The following QSER1 variants were observed in gnomAD, a reference collection of about 807,000 sequenced individuals.
The protein encoded by QSER1 is glutamine and serine rich 1, also known as glutamine and serine-rich protein 1.
Under a neutral mutation model 158.5 loss-of-function variants are expected in QSER1, and 49 were observed. The observed-to-expected ratio is 0.31, with a 90% CI of 0.25 to 0.39. The LOEUF (loss-of-function observed/expected upper bound fraction) is 0.39. Among genes scored for constraint, QSER1 ranks in the 10% least tolerant of loss-of-function variants. The pLI is 1.00. For missense variants in QSER1, 1,754 were observed against 2,010.3 expected, an observed-to-expected ratio of 0.87 and a Z score of 2.44; for synonymous variants, 650 against 715.5, an observed-to-expected ratio of 0.91 and a Z score of 1.46.
At chr11:32,911,894 C>G (rs753466478) in intron 1 of QSER1, among the ~76,000 whole-genome samples, 3 of 152,146 alleles carry the variant, frequency 2.0e-5, no homozygotes, top group Non-Finnish European at 4.4e-5. Flanking sequence ...TCTGTGATAT[C>G]TTAAGTGGAA....
rs776183494 is a variant in QSER1 at position 32,933,802 on chromosome 11, T to C, written c.2544T>C (p.Ser848=). ...CTTTAGGGCATGGCCATCAGGCATCTCTTCCTAATACACAGGTCCTTTTAG... is the reference window on the plus strand; with the variant it reads ...CTTTAGGGCATGGCCATCAGGCATCCCTTCCTAATACACAGGTCCTTTTAG... ...NHALGHGHQA[S]LPNTQVLLDS... The change falls in exon 4 of 13, where the codon TCT becomes TCC. Residue 848 remains serine (S), a synonymous_variant. Transcript: ENST00000650167. The C allele has an allele frequency of 6.2e-7, 1 of 1,613,990 alleles. No homozygotes were observed. The highest frequency in any genetic ancestry group is 1.1e-5 in the South Asian group (1 of 91,056).
In QSER1 at chr11:32,966,491, G is replaced by A; in HGVS notation, c.5107+54G>A. The A allele has an allele frequency of 2.6e-6, 4 of 1,544,314 alleles. No homozygotes were observed. The South Asian group carries it at 3.6e-5, about 14-fold the overall frequency. ...GTAGTACTTCCTGGAATTAAAAAAA[G>A]AAATCTTGTCTGTTAGTTATATGTT... On this transcript the variant is annotated intron_variant, in intron 9 of 12. Transcript: ENST00000650167.
chr11:32,904,567 G>A (rs1489642919), intron 1 of QSER1, among the ~76,000 whole-genome samples: 1 of 150,850 alleles, frequency 6.6e-6, no homozygotes, highest in Admixed American at 6.6e-5. Context: ...AGAGGTAAAT[G>A]AGAGGATGTG....
At chr11:32,916,385 C>T (rs1411429655) in intron 1 of QSER1, among the ~76,000 whole-genome samples, 1 of 152,168 alleles carries the variant, frequency 6.6e-6, no homozygotes, top group Non-Finnish European at 1.5e-5. Context: ...AGTTTCCCCT[C>T]TCCCCAGACC....
Position 32,966,601 on chromosome 11 carries a change from A to G in QSER1, c.5107+164A>G, listed in dbSNP as rs976375975. ...TTCCATAAAATGGTCATATCTTTTCATGCATTCTCTGAATATTTGAACTTT... is the reference window on the plus strand; with the variant it reads ...TTCCATAAAATGGTCATATCTTTTCGTGCATTCTCTGAATATTTGAACTTT... On this transcript the variant is annotated intron_variant, in intron 9 of 12. Coordinates refer to ENST00000650167, the MANE Select transcript of QSER1 (RefSeq NM_001076786.3). Among the ~76,000 whole-genome samples, 3 of 152,326 alleles carry G rather than the reference A, an allele frequency of 2.0e-5. No individual in the cohort carries two copies. In the South Asian group the frequency reaches 6.2e-4, roughly 32 times the overall value.
At chr11:32,917,715 A>G (rs945725678) in intron 1 of QSER1, among the ~76,000 whole-genome samples, 3 of 148,882 alleles carry the variant, frequency 2.0e-5, no homozygotes, top group Non-Finnish European at 3.0e-5. Context: ...AGTCCCAGCT[A>G]CTTGGGAGAG....
intron 8 of QSER1, among the ~76,000 whole-genome samples, chr11:32,964,276 CT>C (rs748068688): frequency 6.6e-6 from 1 of 152,148 alleles, no homozygotes; most frequent in African/African-American, 2.4e-5. Context: ...TGCCCAGCCC[CT>C]AGGACTATTC....
Position 32,954,065 on chromosome 11 carries a change from C to G in QSER1, c.4386C>G (p.Asp1462Glu), listed in dbSNP as rs752218523. Reference sequence around the variant, plus strand: ...CAGACCAGTTTGCAAAAGGACAGGACACTGTTGCCATAGAAGGTTTTACAG... The same window carrying G: ...CAGACCAGTTTGCAAAAGGACAGGAGACTGTTGCCATAGAAGGTTTTACAG... ...LPSDQFAKGQ[D>E]TVAIEGFTDE... The change falls in exon 5 of 13, where the codon GAC becomes GAG. Residue 1462 changes from aspartate to glutamate, a missense_variant. Asp to Glu is a conservative substitution (Grantham distance 45, BLOSUM62 2). Around this residue, in one of 2 missense-constraint regions of QSER1, gnomAD observed 1,707 missense variants for 1,919.6 expected, o/e 0.89. Coordinates refer to ENST00000650167, the MANE Select transcript of QSER1 (RefSeq NM_001076786.3). The G allele has an allele frequency of 8.1e-6, 13 of 1,614,024 alleles. No homozygotes were observed. The highest frequency in any genetic ancestry group is 1.3e-5 in the African/African-American group (1 of 74,914).
Position 32,956,092 on chromosome 11 carries a change from G to A in QSER1, c.4722G>A (p.Lys1574=). ...AATATGTCAGAGTGTGTTCTAAAAA[G>A]CCAAGAAATAAACCTTCACAAACTA... ...KKEYVRVCSK[K]PRNKPSQTIR... is the part of the protein sequence containing the mutation. The change falls in exon 7 of 13, where the codon AAG becomes AAA. Residue 1574 remains lysine, a synonymous_variant. Transcript: ENST00000650167. The A allele has an allele frequency of 6.2e-7, 1 of 1,611,638 alleles. No individual in the cohort carries two copies. Among genetic ancestry groups the A allele is most frequent in the Non-Finnish European group, 8.5e-7 (1 of 1,178,728 alleles).
At chr11:32,950,781 T>C (rs1334899500) in intron 4 of QSER1, among the ~76,000 whole-genome samples, 1 of 152,222 alleles carries the variant, frequency 6.6e-6, no homozygotes, top group Non-Finnish European at 1.5e-5. Flanking sequence ...ATAAGTGACC[T>C]TCTGTAACTG....
At chr11:32,971,798 T>G (rs2133611276) in intron 10 of QSER1, among the ~76,000 whole-genome samples, 1 of 152,276 alleles carries the variant, frequency 6.6e-6, no homozygotes, top group East Asian at 1.9e-4. Context: ...GCGCGGTGGC[T>G]CACGCCTGAA....
rs571017612 is a variant in QSER1 at position 32,892,913 on chromosome 11, G to A, written c.-213G>A. ...CCTCCGCTTCCCTGACGCCCAGCTG[G>A]GGCCTCGCCGCCCGCCGCGGCCCGG... On this transcript the variant is annotated 5_prime_UTR_variant, in exon 1 of 13. Coordinates refer to ENST00000650167, the MANE Select transcript of QSER1 (RefSeq NM_001076786.3). 2.8e-5 allele frequency among the ~76,000 whole-genome samples: 4 copies of A among 140,386 alleles called. No individual in the cohort carries two copies. The highest frequency in any genetic ancestry group is 1.1e-4 in the African/African-American group (4 of 37,916). The allele number at this position is 140,386 out of a possible 152,430, so 92.1% of individuals were successfully genotyped here. A position where few individuals can be genotyped will look rare whatever the true frequency, so the allele number is the denominator to read the frequency against.
intron 8 of QSER1, among the ~76,000 whole-genome samples, chr11:32,958,852 G>A (rs116977162): frequency 1.3e-5 from 2 of 152,234 alleles, no homozygotes; most frequent in South Asian, 4.1e-4. Flanking sequence ...TACCTATAAC[G>A]AAGGTAGGAT....
At chr11:32,947,901 T>A (rs1053710455) in intron 4 of QSER1, among the ~76,000 whole-genome samples, 2 of 152,262 alleles carry the variant, frequency 1.3e-5, no homozygotes, top group African/African-American at 4.8e-5. Context: ...GTCATACTAA[T>A]GTTGTTATTA....
chr11:32,968,327 A>G (rs540480403), intron 9 of QSER1, among the ~76,000 whole-genome samples: 26 of 152,260 alleles, frequency 1.7e-4, no homozygotes, highest in African/African-American at 6.0e-4. Flanking sequence ...AAAATATAAT[A>G]AAGTACTATG....
intron 4 of QSER1, among the ~76,000 whole-genome samples, chr11:32,939,041 T>G (rs1038451882): frequency 1.3e-5 from 2 of 152,200 alleles, no homozygotes; most frequent in Admixed American, 1.3e-4. Flanking sequence ...CAGATTGAAT[T>G]AAAATGTAGT....
At chr11:32,961,256 C>T (rs1395736748) in intron 8 of QSER1, among the ~76,000 whole-genome samples, 1 of 152,006 alleles carries the variant, frequency 6.6e-6, no homozygotes, top group Non-Finnish European at 1.5e-5. Context: ...ATTTCAATTG[C>T]CTTCTCAGAT....
intron 1 of QSER1, among the ~76,000 whole-genome samples, chr11:32,903,491 T>TG (rs1851650293): frequency 6.6e-6 from 1 of 151,258 alleles, no homozygotes; most frequent in South Asian, 2.1e-4. Flanking sequence ...CAAAGTGGAC[T>TG]GGGCAGGCTC....
At chr11:32,970,430 A>G (rs1045571522) in intron 10 of QSER1, among the ~76,000 whole-genome samples, 3 of 152,168 alleles carry the variant, frequency 2.0e-5, no homozygotes, top group Admixed American at 1.3e-4. Flanking sequence ...TTTGAGATGG[A>G]GTCTTGTTCT....
Sources: gnomAD v4.1 joint callset for allele counts (sites outside exome capture counted in the v4.1 genomes callset) on GRCh38, gnomAD v4.1.1 for gene constraint, gnomAD v4.1.1 regional missense constraint, MANE v1.5 for transcripts, NCBI Gene and HGNC (gene_info 2026-07-23, HGNC 2026-07-21) for gene names.